The following CTNNA3 variants were observed in gnomAD, a reference collection of about 807,000 sequenced individuals.
The protein encoded by CTNNA3 is catenin alpha 3.
Under a neutral mutation model 95.7 loss-of-function variants are expected in CTNNA3, and 76 were observed. The ratio of observed to expected loss-of-function variants is 0.79; its 90% CI spans 0.66 to 0.96. CTNNA3 has a LOEUF of 0.96. CTNNA3 is among the 40% of genes least tolerant of loss of function. CTNNA3 has a pLI of 0.00. For synonymous variants in CTNNA3, 431 were observed against 374.4 expected, an observed-to-expected ratio of 1.15 and a Z score of -1.74; for missense variants, 1,191 against 1,089.8, an observed-to-expected ratio of 1.09 and a Z score of -1.31.
chr10:67,703,114 T>C (rs1334151481), intron 1 of CTNNA3, among the ~76,000 whole-genome samples: 1 of 152,202 alleles, frequency 6.6e-6, no homozygotes, highest in Non-Finnish European at 1.5e-5. Flanking sequence ...TAACAGGCTC[T>C]GAAATTGTGG....
At position 67,655,005 on chromosome 10, in the gene CTNNA3, A is replaced by G. The variant is rs140424595; in HGVS notation, c.-5-7487T>C. On this transcript the variant is annotated intron_variant, in intron 1 of 17. Transcript: ENST00000433211. The stretch of plus-strand genomic sequence containing the variant: ...ATGATTTATTAGTATATCTGTGATT[A>G]TATTTAATTTGTGTTCTCCCAGGTA... 1.8e-4 allele frequency among the ~76,000 whole-genome samples: 28 copies of G among 152,376 alleles called. No homozygotes were observed. The East Asian group carries it at 5.0e-3, about 27-fold the overall frequency.
At chr10:67,494,193 G>A (rs1838953490) in intron 5 of CTNNA3, among the ~76,000 whole-genome samples, 1 of 152,136 alleles carries the variant, frequency 6.6e-6, no homozygotes, top group Non-Finnish European at 1.5e-5. Flanking sequence ...GAAGAAAACT[G>A]AGGGTTTTTT....
intron 3 of CTNNA3, among the ~76,000 whole-genome samples, chr10:67,578,844 G>C (rs1842261490): frequency 6.6e-6 from 1 of 151,660 alleles, no homozygotes; most frequent in African/African-American, 2.4e-5. Context: ...ATCATGATGG[G>C]ATACTGCATT....
At chr10:67,347,004 T>G (rs1201484798) in intron 5 of CTNNA3, among the ~76,000 whole-genome samples, 1 of 152,062 alleles carries the variant, frequency 6.6e-6, no homozygotes, top group African/African-American at 2.4e-5. Context: ...AGAATTTTTT[T>G]ATTATTGGAG....
intron 11 of CTNNA3, among the ~76,000 whole-genome samples, chr10:66,475,848 CA>C (rs973051405): frequency 1.3e-5 from 2 of 151,462 alleles, no homozygotes; most frequent in African/African-American, 4.8e-5. Context: ...TTTGACCCAG[CA>C]ATCCCATTAC....
chr10:66,175,535 A>G lies in CTNNA3; in HGVS notation c.1885-72286T>C, dbSNP rs58482366. On this transcript the variant is annotated intron_variant, in intron 13 of 17. Transcript: ENST00000433211. ...GGGTACCTCCAAAAAGTCAGGGTGAAGGACTGCTTTTGAGGCAGTTAACAC... is the reference window on the plus strand; with the variant it reads ...GGGTACCTCCAAAAAGTCAGGGTGAGGGACTGCTTTTGAGGCAGTTAACAC... Among the ~76,000 whole-genome samples the G allele has an allele frequency of 2.6e-3, 392 of 152,310 alleles. 5 individuals carry two copies. In the East Asian group the frequency reaches 0.052, roughly 20 times the overall value.
intron 7 of CTNNA3, among the ~76,000 whole-genome samples, chr10:66,952,294 C>A (rs117122351): frequency 6.6e-6 from 1 of 152,132 alleles, no homozygotes; most frequent in South Asian, 2.1e-4. Context: ...AGTTCTGAGG[C>A]TTTGAAAAGA....
intron 9 of CTNNA3, among the ~76,000 whole-genome samples, chr10:66,708,454 T>C (rs1376771004): frequency 6.6e-6 from 1 of 152,016 alleles, no homozygotes; most frequent in Non-Finnish European, 1.5e-5. Context: ...ATTCTCTTCT[T>C]ACAAGGACAC....
At chr10:66,463,630 A>G (rs2093544260) in intron 11 of CTNNA3, among the ~76,000 whole-genome samples, 1 of 152,158 alleles carries the variant, frequency 6.6e-6, no homozygotes, top group South Asian at 2.1e-4. Context: ...ATAATATATG[A>G]AAAATCATTT....
intron 5 of CTNNA3, among the ~76,000 whole-genome samples, chr10:67,437,383 G>A (rs1302368797): frequency 6.6e-6 from 1 of 151,870 alleles, no homozygotes; most frequent in East Asian, 1.9e-4. Context: ...ATACTGCTTG[G>A]GTGATGGGTG....
At chr10:67,442,046 G>A (rs902020645) in intron 5 of CTNNA3, among the ~76,000 whole-genome samples, 1 of 152,240 alleles carries the variant, frequency 6.6e-6, no homozygotes, top group East Asian at 1.9e-4. Flanking sequence ...AGACCTAAGA[G>A]AAACAACCAA....
At position 67,620,650 on chromosome 10, in the gene CTNNA3, G is replaced by C. The variant is rs1843800038; in HGVS notation, c.100-13601C>G. Among the ~76,000 whole-genome samples the C allele has an allele frequency of 2.0e-5, 3 of 151,974 alleles. No homozygotes were observed. In the South Asian group the frequency reaches 6.2e-4, roughly 31 times the overall value. On this transcript the variant is annotated intron_variant, in intron 2 of 17. Transcript: ENST00000433211. ...TTGTAATCCCCTACAAGTACAAAAA[G>C]GAAAGCTACATTAAATGTTTATTTC... is the stretch of plus-strand genomic sequence containing the variant.
intron 17 of CTNNA3, among the ~76,000 whole-genome samples, chr10:65,921,067 CTTACT>C (rs1189071944): frequency 1.3e-5 from 2 of 152,168 alleles, no homozygotes; most frequent in East Asian, 3.9e-4. Context: ...CTGTATAAAT[CTTACT>C]TTTATTATAG....
At position 66,698,688 on chromosome 10, in the gene CTNNA3, A is replaced by C. The variant is rs537207535; in HGVS notation, c.1281+67576T>G. On this transcript the variant is annotated intron_variant, in intron 9 of 17. Coordinates refer to ENST00000433211, the MANE Select transcript of CTNNA3 (RefSeq NM_013266.4). Reference sequence around the variant, plus strand: ...AAAATGAAATCCTGAACTAATAAATAGCTCTGTACTGATATCAGGCCCTAA... The same window carrying C: ...AAAATGAAATCCTGAACTAATAAATCGCTCTGTACTGATATCAGGCCCTAA... Among the ~76,000 whole-genome samples, 14 of 152,338 alleles carry C rather than the reference A, an allele frequency of 9.2e-5. No homozygotes were observed. In the South Asian group the frequency reaches 2.9e-3, roughly 32 times the overall value.
Position 67,647,404 on chromosome 10 carries a change from G to T in CTNNA3, c.99+11C>A. The T allele has an allele frequency of 6.4e-7, 1 of 1,569,382 alleles. No individual in the cohort carries two copies. The highest frequency in any genetic ancestry group is 1.2e-5 in the South Asian group (1 of 85,434). ...AGTTACTATATATCATAATTTCCATGGTATTAATACCTGGATTATGAGAGG... is the reference window on the plus strand; with the variant it reads ...AGTTACTATATATCATAATTTCCATTGTATTAATACCTGGATTATGAGAGG... On this transcript the variant is annotated intron_variant, in intron 2 of 17. Transcript: ENST00000433211.
intron 14 of CTNNA3, among the ~76,000 whole-genome samples, chr10:66,093,392 T>C (rs1399400585): frequency 6.6e-6 from 1 of 152,084 alleles, no homozygotes; most frequent in Non-Finnish European, 1.5e-5. Context: ...GTTTTTGTTT[T>C]ATTAAATCAA....
intron 15 of CTNNA3, among the ~76,000 whole-genome samples, chr10:65,989,745 A>G (rs1350801054): frequency 1.3e-5 from 2 of 152,110 alleles, no homozygotes; most frequent in Non-Finnish European, 2.9e-5. Context: ...TCTTCTAGCT[A>G]TTTTGAAATA....
At chr10:66,264,949 C>A (rs1031489966) in intron 13 of CTNNA3, among the ~76,000 whole-genome samples, 2 of 152,020 alleles carry the variant, frequency 1.3e-5, no homozygotes, top group African/African-American at 2.4e-5. Flanking sequence ...CCAGGAAATA[C>A]CTGCTCCTAG....
chr10:66,908,290 C>T (rs908616227), intron 7 of CTNNA3, among the ~76,000 whole-genome samples: 3 of 152,158 alleles, frequency 2.0e-5, no homozygotes, highest in African/African-American at 4.8e-5. Flanking sequence ...TACCTCAAGC[C>T]TCTGGGATGA....
Sources: gnomAD v4.1 joint callset for allele counts (sites outside exome capture counted in the v4.1 genomes callset) on GRCh38, gnomAD v4.1.1 for gene constraint, MANE v1.5 for transcripts, NCBI Gene and HGNC (gene_info 2026-07-23, HGNC 2026-07-21) for gene names.